The following C1orf21 variants were observed in gnomAD, a reference collection of about 807,000 sequenced individuals.
The protein encoded by C1orf21 is uncharacterized protein C1orf21.
A neutral mutation model predicts 18.7 loss-of-function variants in C1orf21; 3 were observed. That is an observed-to-expected ratio of 0.16 (90% confidence interval 0.07 to 0.42). C1orf21 has a LOEUF of 0.42. Among genes scored for constraint, C1orf21 ranks in the 10% least tolerant of loss-of-function variants. The probability of loss-of-function intolerance (pLI) is 0.99; values close to 1 mark genes in which losing one functional copy is unlikely to be tolerated. For synonymous variants in C1orf21, 41 were observed against 46.4 expected (o/e 0.88, Z 0.47); for missense variants, 104 against 143.6 (o/e 0.72, Z 1.41).
chr1:184,451,926 T>A (rs1266484702), intron 1 of C1orf21, among the ~76,000 whole-genome samples: 2 of 152,206 alleles, frequency 1.3e-5, no homozygotes, highest in African/African-American at 2.4e-5. Context: ...AATTTTGTTT[T>A]TAAAAATAAA....
chr1:184,503,044 C>T (rs1658000905), intron 2 of C1orf21, among the ~76,000 whole-genome samples: 1 of 139,862 alleles, frequency 7.1e-6, no homozygotes. Context: ...TGCCATTGCA[C>T]TCCAGCCTGG....
At chr1:184,595,815 G>A (rs768690227) in intron 4 of C1orf21, among the ~76,000 whole-genome samples, 17 of 152,272 alleles carry the variant, frequency 1.1e-4, no homozygotes, top group Admixed American at 3.3e-4. Context: ...CCCATGCACC[G>A]TACTTCAAGA....
At chr1:184,400,328 G>A (rs1031849000) in intron 1 of C1orf21, among the ~76,000 whole-genome samples, 7 of 152,098 alleles carry the variant, frequency 4.6e-5, no homozygotes, top group South Asian at 2.1e-4. Flanking sequence ...TTGTTTTTAG[G>A]CCTTTTCAGT....
intron 1 of C1orf21, among the ~76,000 whole-genome samples, chr1:184,439,280 C>T (rs866021709): frequency 6.6e-6 from 1 of 152,006 alleles, no homozygotes; most frequent in African/African-American, 2.4e-5. Context: ...TCACTCTGAT[C>T]TGAAATCACA....
At chr1:184,615,890 G>A (rs551083694) in intron 5 of C1orf21, among the ~76,000 whole-genome samples, 1 of 152,062 alleles carries the variant, frequency 6.6e-6, no homozygotes, top group Non-Finnish European at 1.5e-5. Flanking sequence ...GTCAAATCAG[G>A]GTACTTAGTA....
At chr1:184,505,306 AAT>A (rs59445875) in intron 2 of C1orf21, among the ~76,000 whole-genome samples, 877 of 66,730 alleles carry the variant, frequency 0.013, 13 homozygotes, top group East Asian at 0.041. Context: ...TACATAAAGA[AAT>A]ATATATATAT....
rs534701739 is a variant in C1orf21, at chr1:184,413,934, A to G, written c.-125+26566A>G. Among the ~76,000 whole-genome samples the G allele has an allele frequency of 2.6e-5, 4 of 152,280 alleles. No individual in the cohort carries two copies. The South Asian group carries it at 8.3e-4, about 32-fold the overall frequency. On this transcript the variant is annotated intron_variant, in intron 1 of 5. Transcript: ENST00000235307. ...CTGAAAATAATTTTTCTTTGTATAC[A>G]TATTGCAGTTGCTTCCTCCTTCATC...
In C1orf21 at chr1:184,477,370, C is replaced by T. The variant is rs1335206686; in HGVS notation, c.-124-16C>T. On this transcript the variant is annotated splice_polypyrimidine_tract_variant and intron_variant, in intron 1 of 5. Transcript: ENST00000235307. ...GCAGTCACTGCCCATTCTAATCTAG[C>T]TTTCTTTTCTTGCAGGTGCACACAT... is the stretch of plus-strand genomic sequence containing the variant. The T allele has an allele frequency of 4.7e-6, 3 of 641,026 alleles. No individual in the cohort carries two copies. The highest frequency in any genetic ancestry group is 5.4e-6 in the Non-Finnish European group (2 of 369,998). The allele number at this position is 641,026 out of a possible 1,614,324, so 39.7% of individuals were successfully genotyped here.
chr1:184,461,928 C>T (rs1009659437), intron 1 of C1orf21, among the ~76,000 whole-genome samples: 2 of 152,122 alleles, frequency 1.3e-5, no homozygotes, highest in African/African-American at 4.8e-5. Flanking sequence ...ACCAGTAAAA[C>T]ATCTCTATTC....
chr1:184,581,362 G>A (rs1333675292), intron 3 of C1orf21, among the ~76,000 whole-genome samples: 1 of 151,412 alleles, frequency 6.6e-6, no homozygotes, highest in African/African-American at 2.4e-5. Flanking sequence ...CCTGGGAGGC[G>A]AAGGTTGCAG....
chr1:184,617,904 G>GTTTTTTTTTTTTT (rs142357373), intron 5 of C1orf21, among the ~76,000 whole-genome samples: 2 of 87,496 alleles, frequency 2.3e-5, no homozygotes, highest in Non-Finnish European at 4.6e-5. Flanking sequence ...TGTTGTTGTT[G>GTTTTTTTTTTTTT]TTTTTTTTTT....
chr1:184,406,498 A>G (rs960217841), intron 1 of C1orf21, among the ~76,000 whole-genome samples: 3 of 152,222 alleles, frequency 2.0e-5, no homozygotes, highest in Non-Finnish European at 4.4e-5. Flanking sequence ...ATAGAGGATC[A>G]TAACTGGGAG....
At chr1:184,555,346 T>A (rs1658863120) in intron 3 of C1orf21, among the ~76,000 whole-genome samples, 1 of 152,132 alleles carries the variant, frequency 6.6e-6, no homozygotes, top group Non-Finnish European at 1.5e-5. Flanking sequence ...CCATTGGTGG[T>A]AGGCAGAGGC....
chr1:184,560,539 C>T (rs1332789689), intron 3 of C1orf21, among the ~76,000 whole-genome samples: 1 of 152,150 alleles, frequency 6.6e-6, no homozygotes, highest in Non-Finnish European at 1.5e-5. Context: ...TCAAATATTA[C>T]AATATCCTCC....
chr1:184,482,448 C>T (rs12136737), intron 2 of C1orf21, among the ~76,000 whole-genome samples: 4,114 of 152,186 alleles, frequency 0.027, 77 homozygotes, highest in Non-Finnish European at 0.044. Flanking sequence ...AGAATGTGCC[C>T]GTAGAAAGAG....
chr1:184,529,937 G>A (rs2101972624), intron 3 of C1orf21, among the ~76,000 whole-genome samples: 1 of 152,278 alleles, frequency 6.6e-6, no homozygotes, highest in South Asian at 2.1e-4. Flanking sequence ...CAACTTATTA[G>A]CTGCATGACC....
intron 2 of C1orf21, among the ~76,000 whole-genome samples, chr1:184,503,193 A>G (rs1242160042): frequency 6.6e-6 from 1 of 151,990 alleles, no homozygotes; most frequent in Non-Finnish European, 1.5e-5. Flanking sequence ...TTTTATACTA[A>G]GTGTACCAAA....
chr1:184,431,614 C>T (rs1471309148), intron 1 of C1orf21, among the ~76,000 whole-genome samples: 1 of 152,144 alleles, frequency 6.6e-6, no homozygotes, highest in Non-Finnish European at 1.5e-5. Context: ...CCAAAATTGA[C>T]AAACGGGATC....
chr1:184,523,103 A>T (rs1364107000), intron 3 of C1orf21, among the ~76,000 whole-genome samples: 1 of 152,218 alleles, frequency 6.6e-6, no homozygotes, highest in African/African-American at 2.4e-5. Flanking sequence ...GAGTAATTTC[A>T]TATCATTTAT....
Sources: gnomAD v4.1 joint callset for allele counts (sites outside exome capture counted in the v4.1 genomes callset) on GRCh38, gnomAD v4.1.1 for gene constraint, MANE v1.5 for transcripts, NCBI Gene and HGNC (gene_info 2026-07-23, HGNC 2026-07-21) for gene names.